Variants in EML6 observed in about 807,000 individuals in gnomAD.
EML6 encodes the protein EMAP like 6.
EML6 carries 154 observed loss-of-function variants against 240.1 expected under a neutral mutation model. The ratio of observed to expected loss-of-function variants is 0.64; its 90% CI spans 0.56 to 0.73. The LOEUF is 0.73. Among genes scored for constraint, EML6 ranks in the 30% least tolerant of loss-of-function variants. The probability of loss-of-function intolerance (pLI) is 0.00; values close to 1 mark genes in which losing one functional copy is unlikely to be tolerated. For synonymous variants in EML6, 1,148 were observed against 899.0 expected (o/e 1.28, Z -4.95); for missense variants, 2,964 against 2,474.6 (o/e 1.20, Z -4.20).
intron 2 of EML6, among the ~76,000 whole-genome samples, chr2:54,732,497 T>C (rs936840893): frequency 9.2e-5 from 14 of 152,202 alleles, no homozygotes; most frequent in Non-Finnish European, 2.9e-5. Context: ...GGTCCAACTT[T>C]ATTCTCTTGC....
rs1011614126 is a variant in EML6 at position 54,879,653 on chromosome 2, C to T, written c.2438+13C>T. 12 of 1,450,444 alleles carry T rather than the reference C, an allele frequency of 8.3e-6. No individual in the cohort carries two copies. The highest frequency in any genetic ancestry group is 2.8e-5 in the African/African-American group (2 of 70,892). The allele number at this position is 1,450,444 out of a possible 1,614,324, so 89.8% of individuals were successfully genotyped here. On this transcript the variant is annotated intron_variant, in intron 17 of 41. Coordinates refer to ENST00000356458, the MANE Select transcript of EML6 (RefSeq NM_001039753.4). ...TAGCCACAACAAGGTAAGAAGCTGCCGGGATCTTACGGTATCCTGCTGATA... is the reference window on the plus strand; with the variant it reads ...TAGCCACAACAAGGTAAGAAGCTGCTGGGATCTTACGGTATCCTGCTGATA...
chr2:54,856,433 G>T (rs972745831), intron 11 of EML6, among the ~76,000 whole-genome samples: 1 of 152,140 alleles, frequency 6.6e-6, no homozygotes, highest in Non-Finnish European at 1.5e-5. Flanking sequence ...ACCCACAAAA[G>T]TATCCATGTC....
intron 30 of EML6, among the ~76,000 whole-genome samples, chr2:54,952,099 A>G (rs1382535363): frequency 6.6e-6 from 1 of 152,126 alleles, no homozygotes; most frequent in Non-Finnish European, 1.5e-5. Context: ...CCCCAAGTGG[A>G]TTGGCATTTG....
chr2:54,958,985 G>A (rs2104521568), intron 33 of EML6, 119 bp from the exon 34 acceptor site: 1 of 951,830 alleles, frequency 1.1e-6, no homozygotes, highest in Non-Finnish European at 1.5e-6. Context: ...AGCACAAAGA[G>A]ATCAAACTGC....
intron 28 of EML6, among the ~76,000 whole-genome samples, chr2:54,930,082 C>G (rs1038805736): frequency 1.3e-5 from 2 of 151,998 alleles, no homozygotes; most frequent in Non-Finnish European, 2.9e-5. Context: ...AGTATTCATT[C>G]CTTTGGAAAA....
intron 28 of EML6, among the ~76,000 whole-genome samples, chr2:54,929,275 C>T (rs545403039): frequency 6.6e-6 from 1 of 152,214 alleles, no homozygotes; most frequent in South Asian, 2.1e-4. Flanking sequence ...CCAGCCTATC[C>T]CATTTGGTTT....
intron 17 of EML6, among the ~76,000 whole-genome samples, chr2:54,890,395 C>T (rs572662925): frequency 1.3e-5 from 2 of 152,280 alleles, no homozygotes; most frequent in African/African-American, 2.4e-5. Flanking sequence ...AATAGTCCCT[C>T]TCATGCTGTG....
At chr2:54,871,389 T>G (rs1428889063) in intron 15 of EML6, 111 bp from the exon 16 acceptor site, 3 of 776,766 alleles carry the variant, frequency 3.9e-6, no homozygotes, top group African/African-American at 3.5e-5. Context: ...AGGGTCCTTC[T>G]ATTCTCCAAA....
intron 21 of EML6, among the ~76,000 whole-genome samples, chr2:54,898,040 A>C (rs1182719983): frequency 1.3e-5 from 2 of 152,102 alleles, no homozygotes; most frequent in Non-Finnish European, 2.9e-5. Flanking sequence ...TTATTTTTTA[A>C]GAGAAAATAA....
At chr2:54,881,947 G>C (rs1671836116) in intron 17 of EML6, 1 of 152,286 alleles carries the variant, frequency 6.6e-6, no homozygotes, top group African/African-American at 2.4e-5. Flanking sequence ...CCACAGAGGA[G>C]GAGCATGGTT....
chr2:54,760,267 C>T (rs1366891254), intron 2 of EML6, among the ~76,000 whole-genome samples: 1 of 151,528 alleles, frequency 6.6e-6, no homozygotes, highest in Non-Finnish European at 1.5e-5. Context: ...TCCTGGTCTC[C>T]CTCCATGCTC....
chr2:54,863,739 G>C, intron 12 of EML6, 44 bp from the exon 13 acceptor site: 1 of 978,252 alleles, frequency 1.0e-6, no homozygotes, highest in Non-Finnish European at 1.6e-6. Context: ...GTTGCTCAGA[G>C]TCTCAGAATT....
chr2:54,959,800 T>C (rs1350670502), intron 34 of EML6, among the ~76,000 whole-genome samples: 5 of 152,176 alleles, frequency 3.3e-5, no homozygotes, highest in Non-Finnish European at 5.9e-5. Context: ...TCTTGAGAGG[T>C]ATTCTTGAAC....
intron 3 of EML6, among the ~76,000 whole-genome samples, chr2:54,816,349 T>G (rs1668081869): frequency 6.6e-6 from 1 of 152,192 alleles, no homozygotes; most frequent in African/African-American, 2.4e-5. Flanking sequence ...AAAATTAATG[T>G]TCATTTATTC....
At chr2:54,854,181 C>G (rs910115551) in intron 11 of EML6, among the ~76,000 whole-genome samples, 1 of 152,132 alleles carries the variant, frequency 6.6e-6, no homozygotes, top group Non-Finnish European at 1.5e-5. Context: ...AATGTTGTAA[C>G]TAAAATTCTT....
chr2:54,923,887 G>T (rs1674399665), intron 26 of EML6, among the ~76,000 whole-genome samples: 1 of 152,018 alleles, frequency 6.6e-6, no homozygotes, highest in South Asian at 2.1e-4. Context: ...AATGAAATAG[G>T]TACTGCTTTT....
chr2:54,967,959 G>A (rs1317373344), intron 39 of EML6, among the ~76,000 whole-genome samples, 169 bp from the exon 40 acceptor site: 1 of 152,188 alleles, frequency 6.6e-6, no homozygotes, highest in Non-Finnish European at 1.5e-5. Flanking sequence ...CTCCTGCCCT[G>A]CGGTCGGTTC....
At chr2:54,822,715 T>C (rs1469249227) in intron 5 of EML6, among the ~76,000 whole-genome samples, 2 of 152,158 alleles carry the variant, frequency 1.3e-5, no homozygotes, top group Non-Finnish European at 2.9e-5. Context: ...GGGAAATACA[T>C]TAGAAGGACT....
At chr2:54,840,962 A>G (rs537148899) in intron 7 of EML6, among the ~76,000 whole-genome samples, 57 of 152,388 alleles carry the variant, frequency 3.7e-4, no homozygotes, top group Admixed American at 1.2e-3. Context: ...AAAGCCTGCT[A>G]GGGAGACAAC....
Sources: gnomAD v4.1 joint callset for allele counts (sites outside exome capture counted in the v4.1 genomes callset) on GRCh38, gnomAD v4.1.1 for gene constraint, MANE v1.5 for transcripts, NCBI Gene and HGNC (gene_info 2026-07-23, HGNC 2026-07-21) for gene names.